The following RABGEF1 variants were observed in gnomAD, a reference collection of about 807,000 sequenced individuals.
The protein encoded by RABGEF1 is rab5 GDP/GTP exchange factor.
In RABGEF1, 26 loss-of-function variants were observed where a neutral mutation model predicts 57.3. That is an observed-to-expected ratio of 0.45 (90% CI 0.33 to 0.63). RABGEF1 has a LOEUF of 0.63. Ranked by LOEUF, RABGEF1 falls within the 20% of genes least tolerant of loss-of-function variation. The pLI, the probability that RABGEF1 is intolerant of heterozygous loss-of-function variation, is 0.02. For synonymous variants in RABGEF1, 185 were observed against 210.7 expected (o/e 0.88, Z 1.06); for missense variants, 464 against 607.6 (o/e 0.76, Z 2.48).
At chr7:66,658,430 G>T in the RABGEF1 span, among the ~76,000 whole-genome samples, 1 of 151,810 alleles carries the variant, frequency 6.6e-6, no homozygotes. Context: ...CAACTCAGGA[G>T]GCTGAGGCAG....
At chr7:66,661,253 C>T in the RABGEF1 span, among the ~76,000 whole-genome samples, 4 of 144,886 alleles carry the variant, frequency 2.8e-5, no homozygotes, top group Non-Finnish European at 6.0e-5. Flanking sequence ...CAGCCGAGAT[C>T]GTGCCACTGC....
chr7:66,721,067 C>T (rs1282756829), intron 2 of RABGEF1, among the ~76,000 whole-genome samples: 4 of 152,024 alleles, frequency 2.6e-5, no homozygotes, highest in Non-Finnish European at 4.4e-5. Flanking sequence ...CACAGGCGCA[C>T]GTCACCACGC....
At position 66,771,899 on chromosome 7, in the gene RABGEF1, G is replaced by T; in HGVS notation, c.-1G>T. The T allele has an allele frequency of 6.6e-7, 1 of 1,506,124 alleles. No homozygotes were observed. The highest frequency in any genetic ancestry group is 8.9e-7 in the Non-Finnish European group (1 of 1,122,290). 93.3% of individuals were successfully genotyped at this position (1,506,124 alleles called of 1,614,324 possible). ...TTTGTTCAGTGGTTAGCAGGAAGAAGATGAGCCTTAAGTCTGAACGCCGAG... is the reference window on the plus strand; with the variant it reads ...TTTGTTCAGTGGTTAGCAGGAAGAATATGAGCCTTAAGTCTGAACGCCGAG... On this transcript the variant is annotated 5_prime_UTR_variant, in exon 2 of 9. Coordinates refer to ENST00000284957, the MANE Select transcript of RABGEF1 (RefSeq NM_014504.3).
At position 66,745,843 on chromosome 7, in the gene RABGEF1, C is replaced by G. The variant is rs192489163; in HGVS notation, c.-18+5051C>G. ...GGTGCAGTGGCTCATGCCTATAATA[C>G]CAGTGCTTTGGGAGGCCAAAGTGGG... On this transcript the variant is annotated intron_variant, in intron 1 of 8. Transcript: ENST00000284957. 2.2e-3 allele frequency among the ~76,000 whole-genome samples: 328 copies of G among 151,360 alleles called. 1 individual carries two copies. The highest frequency in any genetic ancestry group is 7.5e-3 in the African/African-American group (311 of 41,276).
intron 3 of RABGEF1, among the ~76,000 whole-genome samples, chr7:66,780,614 CCT>C (rs1809667208): frequency 6.6e-6 from 1 of 152,126 alleles, no homozygotes; most frequent in African/African-American, 2.4e-5. Flanking sequence ...TTAAAAATCA[CCT>C]CTCTGTCAAT....
chr7:66,699,071 T>A (rs1181753804), intron 1 of RABGEF1, among the ~76,000 whole-genome samples: 1 of 152,136 alleles, frequency 6.6e-6, no homozygotes, highest in Non-Finnish European at 1.5e-5. Context: ...CGGGGAGATA[T>A]CTGGCTGGCC....
At chr7:66,692,155 A>G (rs1193398961) in intron 1 of RABGEF1, among the ~76,000 whole-genome samples, 1 of 152,342 alleles carries the variant, frequency 6.6e-6, no homozygotes, top group East Asian at 1.9e-4. Flanking sequence ...AGCACTCGGT[A>G]GCTCTACCGG....
At chr7:66,733,003 C>T (rs62466802) in intron 2 of RABGEF1, among the ~76,000 whole-genome samples, 5,990 of 152,238 alleles carry the variant, frequency 0.039, 163 homozygotes, top group East Asian at 0.084. Flanking sequence ...TAGCCTGACG[C>T]CCTTCCCCAG....
At chr7:66,762,115 A>T (rs1804546854) in intron 1 of RABGEF1, among the ~76,000 whole-genome samples, 1 of 152,094 alleles carries the variant, frequency 6.6e-6, no homozygotes, top group Admixed American at 6.6e-5. Flanking sequence ...TATGGTAGTT[A>T]CCAGCCAGGG....
At chr7:66,757,631 A>T (rs1803086893) in intron 1 of RABGEF1, among the ~76,000 whole-genome samples, 2 of 152,150 alleles carry the variant, frequency 1.3e-5, no homozygotes, top group African/African-American at 4.8e-5. Flanking sequence ...TTTCTTTTTG[A>T]GATGGAGTCT....
Position 66,694,486 on chromosome 7 carries a change from G to A in RABGEF1, c.-873+12228G>A, listed in dbSNP as rs180815501. On this transcript the variant is annotated intron_variant and NMD_transcript_variant, in intron 1 of 9. Coordinates refer to the RABGEF1 transcript ENST00000607882. ...AGGACCAGGCCACAGAGGGCCCGGC[G>A]GGGCCTGGAGGGCAGTGGGAAGCCA... Among the ~76,000 whole-genome samples, 4 of 152,364 alleles carry A rather than the reference G, an allele frequency of 2.6e-5. No homozygotes were observed. The East Asian group carries it at 5.8e-4, about 22-fold the overall frequency.
intron 1 of RABGEF1, among the ~76,000 whole-genome samples, chr7:66,694,006 A>C (rs1258381571): frequency 1.3e-5 from 2 of 152,106 alleles, no homozygotes; most frequent in Non-Finnish European, 2.9e-5. Flanking sequence ...ACGGGGTTTC[A>C]CCATGTTGGC....
At chr7:66,713,800 ATTATT>A (rs1795048702) in intron 2 of RABGEF1, among the ~76,000 whole-genome samples, 1 of 152,198 alleles carries the variant, frequency 6.6e-6, no homozygotes, top group African/African-American at 2.4e-5. Context: ...TGATATATTG[ATTATT>A]TTAAGAAATG....
chr7:66,808,863 G>A (rs77283486), intron 8 of RABGEF1, 23 bp from the exon 9 acceptor site: 35,151 of 1,527,966 alleles, frequency 0.023, 523 homozygotes, highest in Non-Finnish European at 0.026. Context: ...TAATATGACT[G>A]TATTAACGTC....
chr7:66,669,926 T>C, the RABGEF1 span: 1 of 151,930 alleles, frequency 6.6e-6, no homozygotes. Flanking sequence ...CCCTCTGTTC[T>C]CGTTGCCACC....
chr7:66,740,109 C>T (rs1225312429), upstream of RABGEF1: 1 of 152,378 alleles, frequency 6.6e-6, no homozygotes, highest in African/African-American at 2.4e-5. Flanking sequence ...GTTGGGACCA[C>T]AGGTGCCCGC....
intron 5 of RABGEF1, among the ~76,000 whole-genome samples, chr7:66,795,867 A>T (rs1253317653): frequency 6.6e-6 from 1 of 152,220 alleles, no homozygotes; most frequent in East Asian, 1.9e-4. Flanking sequence ...GGCCTGGCTC[A>T]GTAGCTCATG....
At chr7:66,778,421 T>G (rs998949394) in intron 3 of RABGEF1, among the ~76,000 whole-genome samples, 1 of 152,188 alleles carries the variant, frequency 6.6e-6, no homozygotes, top group Non-Finnish European at 1.5e-5. Context: ...GTCTCTACAG[T>G]CAGGGTGAGT....
chr7:66,699,043 CAG>C (rs920620818), intron 1 of RABGEF1, among the ~76,000 whole-genome samples: 2 of 152,194 alleles, frequency 1.3e-5, no homozygotes, highest in African/African-American at 4.8e-5. Flanking sequence ...GTCACTGAGA[CAG>C]AGCCGCATGG....
Sources: allele counts gnomAD v4.1 joint callset (sites outside exome capture counted in the v4.1 genomes callset), GRCh38; gene constraint gnomAD v4.1.1; transcripts MANE v1.5; gene names NCBI Gene and HGNC (gene_info 2026-07-23, HGNC 2026-07-21).